The following PPFIA4 variants were observed in gnomAD, a reference collection of about 807,000 sequenced individuals.
PPFIA4 encodes the protein liprin-alpha-4.
Under a neutral mutation model 145.7 loss-of-function variants are expected in PPFIA4, and 98 were observed. The ratio of observed to expected loss-of-function variants is 0.67; its 90% CI spans 0.57 to 0.80. The LOEUF (loss-of-function observed/expected upper bound fraction) is 0.80, where lower values mean the gene tolerates loss of function less well. Ranked by LOEUF, PPFIA4 falls within the 30% of genes least tolerant of loss-of-function variation. The pLI, the probability that PPFIA4 is intolerant of heterozygous loss-of-function variation, is 0.00. For missense variants in PPFIA4, 1,457 were observed against 1,632.7 expected (o/e 0.89, Z 1.85); for synonymous variants, 628 against 649.6 (o/e 0.97, Z 0.51).
At position 203,056,774 on chromosome 1, in the gene PPFIA4, C is replaced by T. The variant is rs372376633; in HGVS notation, c.2241-10C>T. ...TCTTATTCCGCCCCCTTCTGGCTGT[C>T]ACCCTGTAGTGCCTTGGAGGATCAG... On this transcript the variant is annotated splice_polypyrimidine_tract_variant and intron_variant, in intron 18 of 29. Transcript: ENST00000295706. The T allele has an allele frequency of 1.4e-4, 226 of 1,590,322 alleles. No individual in the cohort carries two copies. Among genetic ancestry groups the T allele is most frequent in the Non-Finnish European group, 1.8e-4 (208 of 1,163,808 alleles).
chr1:203,039,258 CTGCG>C lies in PPFIA4; in HGVS notation c.234+18_234+21del. On this transcript the variant is annotated intron_variant, in intron 2 of 29. Coordinates refer to ENST00000295706, the MANE Select transcript of PPFIA4 (RefSeq NM_001304331.2). ...CCTCCCCCAGGTAAGGCCCGAAGGC[CTGCG>C]TCTCTCTTAACCCCTTTCCCTCCTC... 1 of 1,540,868 alleles carries C rather than the reference CTGCG, an allele frequency of 6.5e-7. No homozygotes were observed. The highest frequency in any genetic ancestry group is 8.7e-7 in the Non-Finnish European group (1 of 1,143,960).
intron 9 of PPFIA4, among the ~76,000 whole-genome samples, chr1:203,047,985 A>T (rs1660203208): frequency 6.6e-6 from 1 of 152,186 alleles, no homozygotes; most frequent in Non-Finnish European, 1.5e-5. Context: ...TAGCTTCAGG[A>T]TGTTTTAAGG....
At chr1:203,040,506 T>C (rs7549874) in intron 2 of PPFIA4, among the ~76,000 whole-genome samples, 91,028 of 152,060 alleles carry the variant, frequency 0.6, 29,192 homozygotes, top group Non-Finnish European at 0.7. Flanking sequence ...GGTGGGGACC[T>C]CCTCTTTCAC....
At chr1:203,045,633 G>A (rs1660024622) in intron 7 of PPFIA4, 74 bp downstream of exon 7, 6 of 1,478,164 alleles carry the variant, frequency 4.1e-6, no homozygotes, top group Admixed American at 4.4e-5. Context: ...AAAGGCTCTG[G>A]GGCGTGAGAC....
intron 28 of PPFIA4, among the ~76,000 whole-genome samples, chr1:203,072,735 C>T (rs1408692358): frequency 6.6e-6 from 1 of 152,220 alleles, no homozygotes; most frequent in East Asian, 1.9e-4. Flanking sequence ...AAGGATTGCT[C>T]TGCCTCGGGG....
At position 203,068,416 on chromosome 1, in the gene PPFIA4, T is replaced by C. The variant is rs1661884524; in HGVS notation, c.3149-37T>C. 10 of 1,536,624 alleles carry C rather than the reference T, an allele frequency of 6.5e-6. No individual in the cohort carries two copies. The highest frequency in any genetic ancestry group is 2.0e-5 in the Admixed American group (1 of 50,534). ...TTGGAGGGCCCTTGATGAAACGTAG[T>C]ATCTCCTTCCGTCCCTTTTCTTCCC... On this transcript the variant is annotated intron_variant, in intron 26 of 29. Transcript: ENST00000295706. The surrounding 1 kb of genome is among the most constrained non-coding windows in gnomAD (Gnocchi z 4.7).
At position 203,049,757 on chromosome 1, in the gene PPFIA4, G is replaced by T. The variant is rs985919467; in HGVS notation, c.1501G>T (p.Val501Phe). 2.5e-6 allele frequency: 4 copies of T among 1,582,566 alleles called. No individual in the cohort carries two copies. The African/African-American group carries it at 5.4e-5, about 21-fold the overall frequency. Residue 501 changes from valine to phenylalanine, a missense_variant, in exon 13 of 30, where the codon GTC becomes TTC. By Grantham distance (50) the Val-to-Phe change is conservative. Transcript: ENST00000295706. ...CCGAGGGGGGCCGTTTGTGGATGGC[G>T]TCCACTCCAGGTACTGCAGCGCCAG... is the stretch of plus-strand genomic sequence containing the variant. ...KGRGGPFVDG[V>F]HSRSHMGSAA...
At chr1:203,036,748 C>T (rs1426826529) in intron 1 of PPFIA4, among the ~76,000 whole-genome samples, 1 of 152,206 alleles carries the variant, frequency 6.6e-6, no homozygotes, top group East Asian at 1.9e-4. Context: ...GGCAGCAGCC[C>T]CTCCTCTCCA....
rs1365433039 is a variant in PPFIA4 at position 203,038,910 on chromosome 1, G to C, written c.-99G>C. The C allele has an allele frequency of 1.5e-6, 1 of 654,558 alleles. No homozygotes were observed. Among genetic ancestry groups the C allele is most frequent in the Non-Finnish European group, 2.7e-6 (1 of 372,614 alleles). 40.5% of individuals were successfully genotyped at this position (654,558 alleles called of 1,614,324 possible). ...CCCACCTGTCCACTCGCCTGGCACTGCCCACTCTGAGACCCATGCACTGGG... is the reference window on the plus strand; with the variant it reads ...CCCACCTGTCCACTCGCCTGGCACTCCCCACTCTGAGACCCATGCACTGGG... On this transcript the variant is annotated 5_prime_UTR_variant, in exon 2 of 30. Coordinates refer to ENST00000295706, the MANE Select transcript of PPFIA4 (RefSeq NM_001304331.2).
intron 25 of PPFIA4, 193 bp from the exon 26 acceptor site, chr1:203,067,502 G>C (rs982118564): frequency 1.7e-6 from 1 of 583,422 alleles, no homozygotes; most frequent in Non-Finnish European, 3.1e-6. Context: ...ATATGGGTTA[G>C]ACAGAGAAAG....
chr1:203,043,526 G>T lies in PPFIA4; in HGVS notation c.336+28G>T. ...AAGTGGGGATGACCTTGTGTCGCGC[G>T]CGCGCACGTGTGTGTGTGTGTGTAT... On this transcript the variant is annotated intron_variant, in intron 3 of 29. Transcript: ENST00000295706. This position sits in a 1 kb window ranked among gnomAD's most constrained non-coding sequence, Gnocchi z 4.4. 6.4e-7 allele frequency: 1 copy of T among 1,569,558 alleles called. No individual in the cohort carries two copies. The highest frequency in any genetic ancestry group is 8.7e-7 in the Non-Finnish European group (1 of 1,153,740).
chr1:203,034,666 C>A (rs1007830265), intron 1 of PPFIA4: 2 of 456,544 alleles, frequency 4.4e-6, no homozygotes, highest in Admixed American at 4.7e-5. Context: ...GCCTTTCAGT[C>A]ACCCATGGCC....
chr1:203,030,760 C>T (rs1258148561), intron 1 of PPFIA4, among the ~76,000 whole-genome samples: 1 of 152,222 alleles, frequency 6.6e-6, no homozygotes, highest in African/African-American at 2.4e-5. Context: ...TGATCACACA[C>T]GCATACTTGC....
At chr1:203,039,909 G>C (rs867261785) in intron 2 of PPFIA4, among the ~76,000 whole-genome samples, 2 of 152,214 alleles carry the variant, frequency 1.3e-5, no homozygotes, top group African/African-American at 2.4e-5. Flanking sequence ...TAAGTTGCTC[G>C]TGGCCATGCA....
rs1015630098 is a variant in PPFIA4, at chr1:203,077,580, C to T, written c.*1190C>T. ...AGGCAGCCACTCTCTTGCTTGTCCC[C>T]AAATCACCTAACCCTCATCCAGGGC... On this transcript the variant is annotated 3_prime_UTR_variant, in exon 30 of 30. Transcript: ENST00000295706. 6.6e-6 allele frequency: 1 copy of T among 152,176 alleles called. No individual in the cohort carries two copies. The highest frequency in any genetic ancestry group is 1.5e-5 in the Non-Finnish European group (1 of 68,052). 9.4% of individuals were successfully genotyped at this position (152,176 alleles called of 1,614,324 possible). A position where few individuals can be genotyped will look rare whatever the true frequency, so the allele number is the denominator to read the frequency against.
Position 203,051,869 on chromosome 1 carries a change from T to C in PPFIA4, c.1612T>C (p.Ser538Pro). Residue 538 changes from serine to proline, a missense_variant, in exon 14 of 30, where the codon TCT becomes CCT. Transcript: ENST00000295706. ...CCGCTACTCGGCATTGAGGGAAGAGTCTGCCAAGGTGAGGGGGTGGAGGGA... is the reference window on the plus strand; with the variant it reads ...CCGCTACTCGGCATTGAGGGAAGAGCCTGCCAAGGTGAGGGGGTGGAGGGA... ...HRRYSALREE[S>P]AKDWETSPLP... 6.2e-7 allele frequency: 1 copy of C among 1,613,080 alleles called. No homozygotes were observed. The highest frequency in any genetic ancestry group is 8.5e-7 in the Non-Finnish European group (1 of 1,179,590).
chr1:203,055,149 G>C lies in PPFIA4; in HGVS notation c.1830-283G>C, dbSNP rs1284373146. Among the ~76,000 whole-genome samples the C allele has an allele frequency of 6.6e-6, 1 of 152,236 alleles. No homozygotes were observed. The highest frequency in any genetic ancestry group is 1.5e-5 in the Non-Finnish European group (1 of 68,038). ...ACAGACAGCAAAATACCTGACTCAA[G>C]GCCACCCTATAGTTAGGGGTATGTC... is the stretch of plus-strand genomic sequence containing the variant. On this transcript the variant is annotated intron_variant, in intron 15 of 29. Transcript: ENST00000295706. The surrounding 1 kb of genome is among the most constrained non-coding windows in gnomAD (Gnocchi z 4.8).
At chr1:203,052,674 C>T (rs1273232198) in intron 14 of PPFIA4, among the ~76,000 whole-genome samples, 1 of 152,114 alleles carries the variant, frequency 6.6e-6, no homozygotes, top group East Asian at 1.9e-4. Context: ...GCTGCAGGAG[C>T]CTGAAGGGGA....
chr1:203,029,152 C>G (rs577928951), intron 1 of PPFIA4, among the ~76,000 whole-genome samples: 1 of 152,134 alleles, frequency 6.6e-6, no homozygotes, highest in Non-Finnish European at 1.5e-5. Flanking sequence ...GAGACCTCCC[C>G]GTTTGTTGCC....
Sources: allele counts gnomAD v4.1 joint callset (sites outside exome capture counted in the v4.1 genomes callset), GRCh38; gene constraint gnomAD v4.1.1; non-coding constraint Gnocchi (gnomAD v3.1); transcripts MANE v1.5; gene names NCBI Gene and HGNC (gene_info 2026-07-23, HGNC 2026-07-21).